The following GCNT4 variants were observed in gnomAD, a reference collection of about 807,000 sequenced individuals.
GCNT4 encodes glucosaminyl (N-acetyl) transferase 4, also known as beta-1,3-galactosyl-O-glycosyl-glycoprotein beta-1,6-N-acetylglucosaminyltransferase 4.
In GCNT4, 17 loss-of-function variants were observed where a neutral mutation model predicts 31.3. The ratio of observed to expected loss-of-function variants is 0.54; its 90% CI spans 0.37 to 0.81. The LOEUF is 0.81. GCNT4 is among the 40% of genes least tolerant of loss of function. The probability of loss-of-function intolerance (pLI) is 0.00; values close to 1 mark genes in which losing one functional copy is unlikely to be tolerated. For missense variants in GCNT4, 503 were observed against 525.5 expected, an observed-to-expected ratio of 0.96 and a Z score of 0.42; for synonymous variants, 158 against 190.6, an observed-to-expected ratio of 0.83 and a Z score of 1.41.
chr5:75,040,016 C>G (rs1332129778), intron 3 of GCNT4, among the ~76,000 whole-genome samples: 1 of 152,144 alleles, frequency 6.6e-6, no homozygotes, highest in Non-Finnish European at 1.5e-5. Flanking sequence ...TCTCATAAAA[C>G]TCTAAGCAAC....
At chr5:75,042,976 T>G (rs545582575) in intron 3 of GCNT4, among the ~76,000 whole-genome samples, 1 of 152,092 alleles carries the variant, frequency 6.6e-6, no homozygotes, top group African/African-American at 2.4e-5. Context: ...TCCGCCACAA[T>G]AGGAATTTCA....
At chr5:75,017,412 A>G in the GCNT4 span, 3 of 152,190 alleles carry the variant, frequency 2.0e-5, no homozygotes, top group Admixed American at 6.5e-5. Context: ...TTTCAATTTC[A>G]GTTTCGGTGT....
upstream of GCNT4, among the ~76,000 whole-genome samples, chr5:75,053,246 G>A (rs1008421279): frequency 3.3e-5 from 5 of 151,866 alleles, 1 homozygote; most frequent in African/African-American, 7.2e-5. Context: ...CCGTGACGCT[G>A]TGTCCGTCCG....
chr5:75,019,443 G>A, the GCNT4 span, among the ~76,000 whole-genome samples: 1 of 152,148 alleles, frequency 6.6e-6, no homozygotes, highest in Non-Finnish European at 1.5e-5. Context: ...CATTTGTCTG[G>A]CATATTAATG....
At chr5:75,030,548 T>G (rs1361451692) in intron 3 of GCNT4, 1 of 168,708 alleles carries the variant, frequency 5.9e-6, no homozygotes, top group South Asian at 2.0e-4. Context: ...AGAAGGGTGG[T>G]GGGCAGACAC....
intron 3 of GCNT4, among the ~76,000 whole-genome samples, chr5:75,032,858 C>A (rs1161084111): frequency 3.6e-5 from 5 of 139,326 alleles, no homozygotes; most frequent in African/African-American, 1.3e-4. Context: ...GAAGACTAAT[C>A]AATCCCAAAT....
intron 3 of GCNT4, among the ~76,000 whole-genome samples, chr5:75,037,853 G>C (rs1743231959): frequency 6.6e-6 from 1 of 151,022 alleles, no homozygotes; most frequent in Non-Finnish European, 1.5e-5. Flanking sequence ...ACTCCAGCCT[G>C]GGCAAGGCAA....
chr5:75,036,154 T>C (rs1743192539), intron 3 of GCNT4, among the ~76,000 whole-genome samples: 1 of 148,084 alleles, frequency 6.8e-6, no homozygotes, highest in Non-Finnish European at 1.5e-5. Context: ...TGTATTTACT[T>C]GAAAAAAAAA....
chr5:75,024,752 C>A (rs2149944004), downstream of GCNT4, among the ~76,000 whole-genome samples: 2 of 152,132 alleles, frequency 1.3e-5, no homozygotes, highest in Middle Eastern at 3.4e-3. Context: ...GAGTTTGAGA[C>A]CAGCCTGGCC....
rs150315811 is a variant in GCNT4, at chr5:75,029,698, G to C, written c.340C>G (p.Gln114Glu). The C allele has an allele frequency of 1.6e-4, 252 of 1,613,982 alleles. No homozygotes were observed. Among genetic ancestry groups the C allele is most frequent in the Non-Finnish European group, 1.9e-4 (224 of 1,180,028 alleles). Residue 114 changes from glutamine to glutamate, a missense_variant, in exon 4 of 4, where the codon CAG (glutamine) becomes GAG (glutamate). By Grantham distance (29) the Gln-to-Glu change is conservative. Transcript: ENST00000652361. ...TTTTGAGCATAACCTCTTAGAGTCTGATAAATGTCACAATCACTGGTCATT... is the reference window on the plus strand; with the variant it reads ...TTTTGAGCATAACCTCTTAGAGTCTCATAAATGTCACAATCACTGGTCATT... ...VAMTSDCDIY[Q>E]TLRGYAQKLV... is the part of the protein sequence containing the mutation.
chr5:75,030,193 G>T, intron 3 of GCNT4, 155 bp from the exon 4 acceptor site: 2 of 676,712 alleles, frequency 3.0e-6, no homozygotes, highest in Non-Finnish European at 5.0e-6. Context: ...CCAGAAATAA[G>T]GAAATGGAAT....
intron 3 of GCNT4, among the ~76,000 whole-genome samples, chr5:75,031,661 G>C (rs1422311655): frequency 6.6e-6 from 1 of 152,178 alleles, no homozygotes; most frequent in African/African-American, 2.4e-5. Flanking sequence ...ATGGGGCCTA[G>C]GTAGGAGGAG....
chr5:75,030,296 A>C, intron 3 of GCNT4: 1 of 418,644 alleles, frequency 2.4e-6, no homozygotes. Flanking sequence ...GGTAATGTAA[A>C]CTCCTAAAAT....
At chr5:75,031,490 C>T (rs1474219100) in intron 3 of GCNT4, among the ~76,000 whole-genome samples, 3 of 152,194 alleles carry the variant, frequency 2.0e-5, no homozygotes, top group Non-Finnish European at 4.4e-5. Context: ...GATTATATTT[C>T]AATGAGTGGG....
chr5:75,043,969 G>A (rs1476374827), intron 3 of GCNT4, among the ~76,000 whole-genome samples: 1 of 152,184 alleles, frequency 6.6e-6, no homozygotes, highest in Non-Finnish European at 1.5e-5. Context: ...ATATCTGAAG[G>A]AAAGCAGATG....
rs531025408 is a variant in GCNT4, at chr5:75,025,767, C to T, written c.*2909G>A. ...TAGCAGCAACACTGGTCTTTAAACA[C>T]GTCTAATATCCCAAGAGATTGTTCA... On this transcript the variant is annotated 3_prime_UTR_variant, in exon 4 of 4. Transcript: ENST00000652361. The T allele has an allele frequency of 1.5e-4, 23 of 152,278 alleles. No individual in the cohort carries two copies. The highest frequency in any genetic ancestry group is 6.2e-4 in the South Asian group (3 of 4,830). The allele number at this position is 152,278 out of a possible 1,614,324, so 9.4% of individuals were successfully genotyped here. A position where few individuals can be genotyped will look rare whatever the true frequency, so the allele number is the denominator to read the frequency against.
intron 3 of GCNT4, among the ~76,000 whole-genome samples, chr5:75,033,585 C>G (rs1257217900): frequency 6.6e-6 from 1 of 152,126 alleles, no homozygotes; most frequent in African/African-American, 2.4e-5. Context: ...AGGAGCAGCC[C>G]TCTCCAATAT....
At chr5:75,017,629 T>C in the GCNT4 span, 1 of 151,970 alleles carries the variant, frequency 6.6e-6, no homozygotes, top group African/African-American at 2.4e-5. Context: ...GTAGGGACAA[T>C]AGAGAAAAGG....
At position 75,029,385 on chromosome 5, in the gene GCNT4, A is replaced by G. The variant is rs1743012091; in HGVS notation, c.653T>C (p.Ile218Thr). ...CAAGTTGATAACATATTTCCACTGGATTGAAGACTTCAGAAGGTCCGACAA... is the reference window on the plus strand; with the variant it reads ...CAAGTTGATAACATATTTCCACTGGGTTGAAGACTTCAGAAGGTCCGACAA... Reference protein sequence around the residue: ...NCLSDLLKSSIQWKYVINLCG... With the variant: ...NCLSDLLKSSTQWKYVINLCG... Residue 218 changes from isoleucine to threonine, a missense_variant, in exon 4 of 4, where the codon ATC becomes ACC. Physicochemically the swap from Ile to Thr is moderately conservative, Grantham distance 89. Coordinates refer to ENST00000652361, the MANE Select transcript of GCNT4 (RefSeq NM_001366737.1). 2 of 1,614,178 alleles carry G rather than the reference A, an allele frequency of 1.2e-6. No individual in the cohort carries two copies. The highest frequency in any genetic ancestry group is 1.7e-5 in the Admixed American group (1 of 60,032).
Sources: allele counts gnomAD v4.1 joint callset (sites outside exome capture counted in the v4.1 genomes callset), GRCh38; gene constraint gnomAD v4.1.1; transcripts MANE v1.5; gene names NCBI Gene and HGNC (gene_info 2026-07-23, HGNC 2026-07-21).